CDH12: variants seen among roughly 807,000 people sequenced by gnomAD.
CDH12 encodes the protein cadherin-12.
Under a neutral mutation model 74.1 loss-of-function variants are expected in CDH12, and 41 were observed. The observed-to-expected ratio is 0.55, with a 90% CI of 0.43 to 0.72. The LOEUF is 0.72. Ranked by LOEUF, CDH12 falls within the 30% of genes least tolerant of loss-of-function variation. The pLI, the probability that CDH12 is intolerant of heterozygous loss-of-function variation, is 0.00. For synonymous variants in CDH12, 399 were observed against 355.0 expected (o/e 1.12, Z -1.39); for missense variants, 945 against 977.2 (o/e 0.97, Z 0.44).
Position 22,646,338 on chromosome 5 carries a change from T to C in CDH12, c.-522-140974A>G, listed in dbSNP as rs1739430027. Among the ~76,000 whole-genome samples, 4 of 151,808 alleles carry C rather than the reference T, an allele frequency of 2.6e-5. No individual in the cohort carries two copies. In the South Asian group the frequency reaches 8.3e-4, roughly 31 times the overall value. Reference sequence around the variant, plus strand: ...ATCAATCAATCATGCTGTCATTTCTTATAAGTGCCCTAAAAATTAAATGGT... The same window carrying C: ...ATCAATCAATCATGCTGTCATTTCTCATAAGTGCCCTAAAAATTAAATGGT... On this transcript the variant is annotated intron_variant, in intron 1 of 14. Coordinates refer to ENST00000382254, the MANE Select transcript of CDH12 (RefSeq NM_004061.5).
At chr5:22,262,152 T>C (rs1418969675) in intron 3 of CDH12, among the ~76,000 whole-genome samples, 4 of 152,018 alleles carry the variant, frequency 2.6e-5, no homozygotes, top group African/African-American at 9.6e-5. Flanking sequence ...AGTTTTAGGG[T>C]ACATGTGCAC....
chr5:22,668,403 A>G (rs971086534), intron 1 of CDH12, among the ~76,000 whole-genome samples: 2 of 152,214 alleles, frequency 1.3e-5, no homozygotes, highest in East Asian at 1.9e-4. Flanking sequence ...TGTGGTCATA[A>G]TGTGTTTTCC....
At chr5:22,810,222 A>G (rs1472071598) in intron 1 of CDH12, among the ~76,000 whole-genome samples, 3 of 152,218 alleles carry the variant, frequency 2.0e-5, no homozygotes, top group Non-Finnish European at 4.4e-5. Context: ...AGAAGTTTTT[A>G]ATAATCATTT....
intron 2 of CDH12, among the ~76,000 whole-genome samples, chr5:22,440,407 T>TA (rs1275146960): frequency 8.5e-5 from 13 of 152,146 alleles, no homozygotes; most frequent in African/African-American, 2.9e-4. Flanking sequence ...ATAGCCATAA[T>TA]ACCTCTAAAA....
At chr5:22,019,503 A>C (rs962087104) in intron 5 of CDH12, among the ~76,000 whole-genome samples, 5 of 152,142 alleles carry the variant, frequency 3.3e-5, no homozygotes, top group African/African-American at 1.2e-4. Context: ...TGAGGTCATG[A>C]AGGTGCAGCC....
At chr5:22,100,208 T>G (rs565950249) in intron 4 of CDH12, among the ~76,000 whole-genome samples, 3 of 152,226 alleles carry the variant, frequency 2.0e-5, no homozygotes, top group African/African-American at 7.2e-5. Context: ...AAAAAAATAC[T>G]TACTTATTAA....
intron 4 of CDH12, among the ~76,000 whole-genome samples, chr5:22,196,869 C>G (rs1190754639): frequency 6.6e-6 from 1 of 152,106 alleles, no homozygotes; most frequent in East Asian, 1.9e-4. Flanking sequence ...GCTTCTTTTC[C>G]CCAAGGAAAG....
At chr5:22,335,090 C>G (rs1374175060) in intron 3 of CDH12, among the ~76,000 whole-genome samples, 1 of 152,128 alleles carries the variant, frequency 6.6e-6, no homozygotes, top group East Asian at 1.9e-4. Flanking sequence ...AATTTCAAAA[C>G]TACTCATCTG....
chr5:22,824,964 A>T lies in CDH12; in HGVS notation c.-523+28094T>A, dbSNP rs879334453. ...ATATATAAAAGAAAATACTAACAAA[A>T]TAATTTGTTGTGACATTAATAAATT... On this transcript the variant is annotated intron_variant, in intron 1 of 14. Coordinates refer to ENST00000382254, the MANE Select transcript of CDH12 (RefSeq NM_004061.5). Among the ~76,000 whole-genome samples, 3 of 151,974 alleles carry T rather than the reference A, an allele frequency of 2.0e-5. No individual in the cohort carries two copies. The South Asian group carries it at 6.2e-4, about 31-fold the overall frequency.
chr5:22,207,220 A>AAAAAAAAAAAG (rs1264374362), intron 4 of CDH12, among the ~76,000 whole-genome samples: 1 of 151,612 alleles, frequency 6.6e-6, no homozygotes, highest in African/African-American at 2.4e-5. Context: ...CTGTCTCAAA[A>AAAAAAAAAAAG]AAAAAAAAAA....
chr5:21,802,263 G>A lies in CDH12; in HGVS notation c.1160C>T (p.Pro387Leu), dbSNP rs769837272. 2.0e-5 allele frequency: 32 copies of A among 1,606,166 alleles called. No homozygotes were observed. Among genetic ancestry groups the A allele is most frequent in the Non-Finnish European group, 2.0e-5 (23 of 1,176,792 alleles). Residue 387 changes from proline to leucine, a missense_variant, in exon 10 of 15, where the codon CCG (proline) becomes CTG (leucine). By Grantham distance (98) the Pro-to-Leu change is moderately conservative. This residue lies in a region of CDH12 where 791 missense variants were observed against 792.8 expected (regional missense o/e 1.00). Coordinates refer to ENST00000382254, the MANE Select transcript of CDH12 (RefSeq NM_004061.5). The part of the protein sequence containing the change: ...DVDEPPVFSK[P>L]LYTMEVYEDT... The stretch of plus-strand genomic sequence containing the variant: ...TTCATAAACCTCCATGGTGTAGAGC[G>A]GCTTGCTGAAAACCGGTGGCTCATC...
chr5:21,870,099 A>T (rs1272804480), intron 6 of CDH12, among the ~76,000 whole-genome samples: 1 of 152,156 alleles, frequency 6.6e-6, no homozygotes, highest in African/African-American at 2.4e-5. Flanking sequence ...ACCTACGGGC[A>T]TCCATGTAAG....
At chr5:22,075,866 T>C (rs1489911770) in intron 5 of CDH12, among the ~76,000 whole-genome samples, 1 of 152,014 alleles carries the variant, frequency 6.6e-6, no homozygotes, top group Non-Finnish European at 1.5e-5. Flanking sequence ...GAGTTCTATA[T>C]TATTTATAAT....
intron 5 of CDH12, among the ~76,000 whole-genome samples, chr5:21,984,569 A>G (rs374952566): frequency 6.6e-6 from 1 of 152,152 alleles, no homozygotes; most frequent in Non-Finnish European, 1.5e-5. Context: ...ACCTATGTGC[A>G]ATGTTACAGA....
intron 3 of CDH12, among the ~76,000 whole-genome samples, chr5:22,346,289 T>C (rs1449703053): frequency 1.3e-5 from 2 of 152,158 alleles, no homozygotes; most frequent in Non-Finnish European, 2.9e-5. Flanking sequence ...ATCCCTCTTA[T>C]CCCACTTTTG....
intron 4 of CDH12, among the ~76,000 whole-genome samples, chr5:22,122,201 A>C (rs1745556375): frequency 6.6e-6 from 1 of 151,994 alleles, no homozygotes; most frequent in African/African-American, 2.4e-5. Context: ...TCAGGATTTC[A>C]AGACCGGCCT....
chr5:22,074,464 G>C (rs915880506), intron 5 of CDH12, among the ~76,000 whole-genome samples: 1 of 152,020 alleles, frequency 6.6e-6, no homozygotes, highest in Non-Finnish European at 1.5e-5. Flanking sequence ...TTGACAAAAG[G>C]GATCTAGTTA....
chr5:22,136,756 T>C (rs1746488247), intron 4 of CDH12, among the ~76,000 whole-genome samples: 1 of 150,650 alleles, frequency 6.6e-6, no homozygotes, highest in Non-Finnish European at 1.5e-5. Flanking sequence ...ACCTGAGTAT[T>C]GTAGCTCTAA....
At chr5:22,764,556 A>T (rs1303602509) in intron 1 of CDH12, among the ~76,000 whole-genome samples, 1 of 152,020 alleles carries the variant, frequency 6.6e-6, no homozygotes, top group Non-Finnish European at 1.5e-5. Context: ...GTATTATAAA[A>T]TCTCAAACAA....
Sources: gnomAD v4.1 joint callset for allele counts (sites outside exome capture counted in the v4.1 genomes callset) on GRCh38, gnomAD v4.1.1 for gene constraint, gnomAD v4.1.1 regional missense constraint, MANE v1.5 for transcripts, NCBI Gene and HGNC (gene_info 2026-07-23, HGNC 2026-07-21) for gene names.